The following RAB1A variants were observed in gnomAD, a reference collection of about 807,000 sequenced individuals.
RAB1A encodes ras-related protein Rab-1A.
A neutral mutation model predicts 26.0 loss-of-function variants in RAB1A; 2 were observed. The ratio of observed to expected loss-of-function variants is 0.08; its 90% confidence interval spans 0.03 to 0.24. The LOEUF is 0.24. Among genes scored for constraint, RAB1A ranks in the 10% least tolerant of loss-of-function variants. The probability of loss-of-function intolerance (pLI) is 1.00; values close to 1 mark genes in which losing one functional copy is unlikely to be tolerated. For synonymous variants in RAB1A, 84 were observed against 84.9 expected, an observed-to-expected ratio of 0.99 and a Z score of 0.06; for missense variants, 100 against 247.0, an observed-to-expected ratio of 0.40 and a Z score of 3.99.
intron 2 of RAB1A, among the ~76,000 whole-genome samples, chr2:65,100,547 A>T (rs886901904): frequency 1.3e-5 from 2 of 151,048 alleles, no homozygotes; most frequent in African/African-American, 4.9e-5. Flanking sequence ...CTCACTTTAG[A>T]TCAGGAGTTC....
intron 3 of RAB1A, among the ~76,000 whole-genome samples, chr2:65,092,823 T>C (rs1357874644): frequency 6.6e-6 from 1 of 152,082 alleles, no homozygotes; most frequent in Non-Finnish European, 1.5e-5. Flanking sequence ...CTGAGGGAAG[T>C]GATTGGATTA....
At chr2:65,088,843 C>T in intron 5 of RAB1A, 96 bp downstream of exon 5, 1 of 1,379,984 alleles carries the variant, frequency 7.2e-7, no homozygotes, top group Non-Finnish European at 9.8e-7. Flanking sequence ...TTCTAGTGCA[C>T]ATATTTTTAA....
chr2:65,109,654 G>A (rs1179315554), intron 1 of RAB1A, among the ~76,000 whole-genome samples: 3 of 150,982 alleles, frequency 2.0e-5, no homozygotes, highest in Admixed American at 2.0e-4. Flanking sequence ...AGGTTGCAGT[G>A]AGGAGAGACT....
Position 65,098,075 on chromosome 2 carries a change from G to A in RAB1A, c.97-9C>T, listed in dbSNP as rs761380313. ...TCTGTATATGTATCATCCTGAAGGG[G>A]GAAATAATTAACAATTAAATGTATT... On this transcript the variant is annotated splice_polypyrimidine_tract_variant and intron_variant, in intron 2 of 5. Coordinates refer to ENST00000409784, the MANE Select transcript of RAB1A (RefSeq NM_004161.5). 1.4e-6 allele frequency: 2 copies of A among 1,453,472 alleles called. No individual in the cohort carries two copies. The highest frequency in any genetic ancestry group is 1.4e-5 in the African/African-American group (1 of 69,844). The allele number at this position is 1,453,472 out of a possible 1,614,324, so 90.0% of individuals were successfully genotyped here.
Position 65,091,006 on chromosome 2 carries a change from C to T in RAB1A, c.265G>A (p.Val89Ile). The stretch of plus-strand genomic sequence containing the variant: ...ACCTGATCTGTCACATCATACACAA[C>T]TATGATGCCATGGGCTCCTCTGTAA... Reference protein sequence around the residue: ...SYYRGAHGIIVVYDVTDQESF... With the variant: ...SYYRGAHGIIIVYDVTDQESF... Residue 89 changes from valine to isoleucine, a missense_variant, in exon 4 of 6, where the codon GTT (valine) becomes ATT (isoleucine). Transcript: ENST00000409784. 1 of 1,612,136 alleles carries T rather than the reference C, an allele frequency of 6.2e-7. No individual in the cohort carries two copies. The highest frequency in any genetic ancestry group is 8.5e-7 in the Non-Finnish European group (1 of 1,178,438).
intron 3 of RAB1A, among the ~76,000 whole-genome samples, chr2:65,093,495 C>CT (rs750512309): frequency 9.2e-5 from 14 of 151,726 alleles, no homozygotes; most frequent in Non-Finnish European, 2.1e-4. Flanking sequence ...ACAGGAAAAG[C>CT]TGAAAGGAAA....
intron 4 of RAB1A, 139 bp downstream of exon 4, chr2:65,090,840 CATTT>C: frequency 1.1e-5 from 5 of 463,632 alleles, no homozygotes; most frequent in Non-Finnish European, 1.5e-5. Flanking sequence ...AAGTGATTCA[CATTT>C]ATATTTGAGA....
intron 1 of RAB1A, among the ~76,000 whole-genome samples, chr2:65,115,034 T>C (rs1235933491): frequency 1.3e-5 from 2 of 152,176 alleles, no homozygotes; most frequent in Non-Finnish European, 2.9e-5. Flanking sequence ...TGTCTTGACA[T>C]ACTCACTTGC....
chr2:65,094,004 C>T (rs545526252), intron 3 of RAB1A, among the ~76,000 whole-genome samples: 1 of 150,514 alleles, frequency 6.6e-6, no homozygotes, highest in South Asian at 2.1e-4. Context: ...AGGTCTCGCT[C>T]TGTTGCCCAG....
intron 2 of RAB1A, among the ~76,000 whole-genome samples, chr2:65,104,068 G>A (rs1018044541): frequency 3.3e-5 from 5 of 152,130 alleles, no homozygotes; most frequent in Admixed American, 6.6e-5. Flanking sequence ...GTGAGCCACC[G>A]CACCTGGCCA....
intron 2 of RAB1A, among the ~76,000 whole-genome samples, chr2:65,103,806 G>A (rs542154045): frequency 6.6e-6 from 1 of 150,986 alleles, no homozygotes. Flanking sequence ...TTTTGAGACA[G>A]TCTTGCTCTG....
At position 65,128,162 on chromosome 2, in the gene RAB1A, T is replaced by G. The variant is rs554258533; in HGVS notation, c.23+1731A>C. ...GTTTTTCAAATTCTTTTATATACAT[T>G]TGAATTTCACCACTACCCTGACAGG... On this transcript the variant is annotated intron_variant, in intron 1 of 5. Transcript: ENST00000409784. Among the ~76,000 whole-genome samples, 5 of 152,282 alleles carry G rather than the reference T, an allele frequency of 3.3e-5. No individual in the cohort carries two copies. In the South Asian group the frequency reaches 1.0e-3, roughly 32 times the overall value.
At chr2:65,103,143 T>C (rs539986248) in intron 2 of RAB1A, among the ~76,000 whole-genome samples, 65 of 151,602 alleles carry the variant, frequency 4.3e-4, no homozygotes, top group African/African-American at 1.4e-3. Context: ...CAGTGAGACC[T>C]TGTCACTACA....
chr2:65,101,928 T>C (rs970460797), intron 2 of RAB1A, among the ~76,000 whole-genome samples: 1 of 151,950 alleles, frequency 6.6e-6, no homozygotes, highest in Non-Finnish European at 1.5e-5. Flanking sequence ...TTTGTATTTT[T>C]AGTAGAGACA....
intron 1 of RAB1A, among the ~76,000 whole-genome samples, chr2:65,108,737 C>T (rs570919069): frequency 1.8e-4 from 27 of 151,994 alleles, no homozygotes; most frequent in East Asian, 1.2e-3. Context: ...ACCCGAGAGG[C>T]GGAGGTTGCA....
intron 2 of RAB1A, 55 bp from the exon 3 acceptor site, chr2:65,098,121 G>T: frequency 9.9e-7 from 1 of 1,012,978 alleles, no homozygotes; most frequent in East Asian, 3.0e-5. Context: ...GCAGATGCAA[G>T]TCTAAGTGGA....
At chr2:65,119,201 T>C (rs148540477) in intron 1 of RAB1A, among the ~76,000 whole-genome samples, 1,648 of 150,904 alleles carry the variant, frequency 0.011, 12 homozygotes, top group Non-Finnish European at 0.017. Flanking sequence ...TGAGACCCTG[T>C]CTCAAAAATA....
chr2:65,111,280 T>C (rs954971664), intron 1 of RAB1A, among the ~76,000 whole-genome samples: 1 of 151,922 alleles, frequency 6.6e-6, no homozygotes, highest in Non-Finnish European at 1.5e-5. Flanking sequence ...GACAGTCACT[T>C]GAACCCCGGA....
chr2:65,096,736 T>C (rs779346705), intron 3 of RAB1A, among the ~76,000 whole-genome samples: 1 of 152,242 alleles, frequency 6.6e-6, no homozygotes, highest in Non-Finnish European at 1.5e-5. Flanking sequence ...TATATCAATA[T>C]CCACAGCCAC....
Sources: allele counts gnomAD v4.1 joint callset (sites outside exome capture counted in the v4.1 genomes callset), GRCh38; gene constraint gnomAD v4.1.1; transcripts MANE v1.5; gene names NCBI Gene and HGNC (gene_info 2026-07-23, HGNC 2026-07-21).